PACS2: variants seen among roughly 807,000 people sequenced by gnomAD.
PACS2 encodes the protein phosphofurin acidic cluster sorting protein 2.
In PACS2, 36 loss-of-function variants were observed where a neutral mutation model predicts 113.0. The observed-to-expected ratio is 0.32, with a 90% confidence interval of 0.24 to 0.42. PACS2 has a LOEUF of 0.42. Ranked by LOEUF, PACS2 falls within the 10% of genes least tolerant of loss-of-function variation. The pLI is 1.00. For synonymous variants in PACS2, 589 were observed against 536.1 expected, an observed-to-expected ratio of 1.10 and a Z score of -1.36; for missense variants, 1,015 against 1,239.5, an observed-to-expected ratio of 0.82 and a Z score of 2.72.
intron 8 of PACS2, among the ~76,000 whole-genome samples, chr14:105,375,900 A>G (rs966763236): frequency 2.0e-5 from 3 of 152,234 alleles, no homozygotes; most frequent in Admixed American, 6.5e-5. Flanking sequence ...TCAGTGGCGC[A>G]CTGCAGAACC....
Position 105,329,874 on chromosome 14 carries a change from TGTG to T in PACS2, c.119+14844_119+14846del, listed in dbSNP as rs2059239893. On this transcript the variant is annotated intron_variant, in intron 1 of 24. Coordinates refer to ENST00000447393, the MANE Select transcript of PACS2 (RefSeq NM_001100913.3). This position sits in a 1 kb window ranked among gnomAD's most constrained non-coding sequence, Gnocchi z 6.4. Reference sequence around the variant, plus strand: ...TCCAGGCCTGGAACTCGAGCTGTGGTGTGGTGGTGCCAGCCCAGGAGCCAAGCA... The same window carrying T: ...TCCAGGCCTGGAACTCGAGCTGTGGTGTGGTGCCAGCCCAGGAGCCAAGCA... Among the ~76,000 whole-genome samples, 1 of 151,904 alleles carries T rather than the reference TGTG, an allele frequency of 6.6e-6. No individual in the cohort carries two copies. The highest frequency in any genetic ancestry group is 1.5e-5 in the Non-Finnish European group (1 of 67,914).
At position 105,397,115 on chromosome 14, in the gene PACS2, G is replaced by A. The variant is rs1274332866; in HGVS notation, c.*2443G>A. 6.6e-6 allele frequency: 1 copy of A among 152,276 alleles called. No individual in the cohort carries two copies. Among genetic ancestry groups the A allele is most frequent in the Non-Finnish European group, 1.5e-5 (1 of 68,090 alleles). The allele number at this position is 152,276 out of a possible 1,614,324, so 9.4% of individuals were successfully genotyped here. A position where few individuals can be genotyped will look rare whatever the true frequency, so the allele number is the denominator to read the frequency against. On this transcript the variant is annotated 3_prime_UTR_variant, in exon 25 of 25. Coordinates refer to ENST00000447393, the MANE Select transcript of PACS2 (RefSeq NM_001100913.3). ...GGGCTGTGGGTCTGCCCTGCACCCA[G>A]GAGCCCCACGGTCCATCCCCCACAC... is the stretch of plus-strand genomic sequence containing the variant.
upstream of PACS2, among the ~76,000 whole-genome samples, chr14:105,310,702 G>A (rs1426810532): frequency 6.6e-6 from 1 of 151,962 alleles, no homozygotes; most frequent in African/African-American, 2.4e-5. Context: ...TCCAGCCAGC[G>A]GCAGCTCACC....
At position 105,356,300 on chromosome 14, in the gene PACS2, C is replaced by T. The variant is rs1420499869; in HGVS notation, c.423+1123C>T. 6.6e-6 allele frequency among the ~76,000 whole-genome samples: 1 copy of T among 152,232 alleles called. No individual in the cohort carries two copies. The highest frequency in any genetic ancestry group is 6.5e-5 in the Admixed American group (1 of 15,286). On this transcript the variant is annotated intron_variant, in intron 4 of 24. Coordinates refer to ENST00000447393, the MANE Select transcript of PACS2 (RefSeq NM_001100913.3). The surrounding 1 kb of genome is among the most constrained non-coding windows in gnomAD (Gnocchi z 4.0). ...CTGGGCTCAGCCCTCCCTGCTACCC[C>T]AGGAGATGGGAGCGTGGAGGGTACA...
intron 2 of PACS2, among the ~76,000 whole-genome samples, chr14:105,349,854 G>A (rs1471704406): frequency 1.4e-5 from 2 of 144,122 alleles, no homozygotes; most frequent in African/African-American, 5.9e-5. Flanking sequence ...GCTAATGCAG[G>A]ACCCGGAGAA....
intron 7 of PACS2, among the ~76,000 whole-genome samples, chr14:105,369,094 G>A (rs1555408705): frequency 1.3e-5 from 2 of 152,250 alleles, no homozygotes; most frequent in Non-Finnish European, 2.9e-5. Context: ...AGGTGGGCGG[G>A]GAGCTCTGTG....
intron 9 of PACS2, among the ~76,000 whole-genome samples, chr14:105,377,272 C>T (rs1555410706): frequency 6.6e-6 from 1 of 152,118 alleles, no homozygotes; most frequent in African/African-American, 2.4e-5. Flanking sequence ...TGCAGGGGAC[C>T]TCCGTTCACT....
rs587637799 is a variant in PACS2 at position 105,354,596 on chromosome 14, G to T, written c.298-456G>T. ...CTGGACAGGGAGCCTGTGGTGAGAC[G>T]TGCAGGCGAGTTGGGTGAACAGGGG... On this transcript the variant is annotated intron_variant, in intron 3 of 24. Transcript: ENST00000447393. This position sits in a 1 kb window ranked among gnomAD's most constrained non-coding sequence, Gnocchi z 4.2. Among the ~76,000 whole-genome samples the T allele has an allele frequency of 6.6e-6, 1 of 152,344 alleles. No homozygotes were observed. Among genetic ancestry groups the T allele is most frequent in the African/African-American group, 2.4e-5 (1 of 41,584 alleles).
At chr14:105,389,654 A>G (rs2081290059) in intron 19 of PACS2, 1 of 422,510 alleles carries the variant, frequency 2.4e-6, no homozygotes, top group East Asian at 4.1e-5. Context: ...TGGCAGAGTG[A>G]ATCCCTCCGT....
rs2058545659 is a variant in PACS2 at position 105,315,379 on chromosome 14, C to G, written c.119+342C>G. On this transcript the variant is annotated intron_variant, in intron 1 of 24. Coordinates refer to ENST00000447393, the MANE Select transcript of PACS2 (RefSeq NM_001100913.3). The surrounding 1 kb of genome is among the most constrained non-coding windows in gnomAD (Gnocchi z 4.4). The stretch of plus-strand genomic sequence containing the variant: ...CTCAATGCGGTGCCGGCCGGGGTGA[C>G]GAGGGTGCTTCCTCTCTCGGGTACC... The G allele has an allele frequency of 6.6e-6, 1 of 152,372 alleles. No homozygotes were observed. The highest frequency in any genetic ancestry group is 2.1e-4 in the South Asian group (1 of 4,834). The allele number at this position is 152,372 out of a possible 1,614,324, so 9.4% of individuals were successfully genotyped here. A position where few individuals can be genotyped will look rare whatever the true frequency, so the allele number is the denominator to read the frequency against.
intron 1 of PACS2, among the ~76,000 whole-genome samples, chr14:105,322,821 C>T (rs1260884591): frequency 6.6e-6 from 1 of 152,228 alleles, no homozygotes; most frequent in African/African-American, 2.4e-5. Context: ...GAATCATTTT[C>T]CTTCTTCTGT....
At chr14:105,367,469 C>A in intron 5 of PACS2, 94 bp downstream of exon 5, 2 of 1,301,076 alleles carry the variant, frequency 1.5e-6, no homozygotes, top group Non-Finnish European at 1.1e-6. Context: ...TCCAGCCTGG[C>A]TTAAGGAGTT....
chr14:105,314,663 G>T (rs1211721910), upstream of PACS2: 1 of 143,850 alleles, frequency 7.0e-6, no homozygotes, highest in Admixed American at 6.9e-5. Flanking sequence ...CGCCGGCGCG[G>T]GTCGGAGGGC....
intron 20 of PACS2, chr14:105,390,596 G>A (rs587607179): frequency 7.2e-5 from 12 of 167,832 alleles, no homozygotes; most frequent in South Asian, 6.1e-4. Flanking sequence ...CCCAGGCAGC[G>A]GAAGGGTCTC....
chr14:105,382,146 G>A, intron 13 of PACS2, 88 bp downstream of exon 13: 4 of 1,370,430 alleles, frequency 2.9e-6, no homozygotes, highest in African/African-American at 1.4e-5. Flanking sequence ...AGAAGCACAG[G>A]GGGCCAAGGG....
rs1028899617 is a variant in PACS2, at chr14:105,366,185, T to G, written c.424-1028T>G. The stretch of plus-strand genomic sequence containing the variant: ...GCCAACATGGTGAAACTGTTTCTAC[T>G]AAAAATACAAAACTTAGCTGGGCGT... On this transcript the variant is annotated intron_variant, in intron 4 of 24. Coordinates refer to ENST00000447393, the MANE Select transcript of PACS2 (RefSeq NM_001100913.3). The surrounding 1 kb of genome is among the most constrained non-coding windows in gnomAD (Gnocchi z 4.3). Among the ~76,000 whole-genome samples, 1 of 151,862 alleles carries G rather than the reference T, an allele frequency of 6.6e-6. No individual in the cohort carries two copies. Among genetic ancestry groups the G allele is most frequent in the Non-Finnish European group, 1.5e-5 (1 of 67,982 alleles).
chr14:105,349,556 C>A (rs1270163489), intron 2 of PACS2, among the ~76,000 whole-genome samples: 2 of 152,266 alleles, frequency 1.3e-5, no homozygotes, highest in Non-Finnish European at 2.9e-5. Context: ...AGCACCTGAG[C>A]CTCGGCCAGT....
At chr14:105,391,801 A>G (rs1595189276) in intron 22 of PACS2, 35 bp downstream of exon 22, 1 of 1,546,038 alleles carries the variant, frequency 6.5e-7, no homozygotes, top group Non-Finnish European at 8.7e-7. Context: ...CGTTTCACTT[A>G]CCCGCCCCAC....
In PACS2 at chr14:105,330,725, A is replaced by G. The variant is rs139945332; in HGVS notation, c.119+15688A>G. ...TCCTGTCTTTTCTCAGGCAATCGCC[A>G]TGGTACCCAGGGCTGGCCTTGTTTC... On this transcript the variant is annotated intron_variant, in intron 1 of 24. Coordinates refer to ENST00000447393, the MANE Select transcript of PACS2 (RefSeq NM_001100913.3). The surrounding 1 kb of genome is among the most constrained non-coding windows in gnomAD (Gnocchi z 6.9). Among the ~76,000 whole-genome samples, 326 of 152,342 alleles carry G rather than the reference A, an allele frequency of 2.1e-3. No individual in the cohort carries two copies. The highest frequency in any genetic ancestry group is 3.1e-3 in the South Asian group (15 of 4,830).
Sources: gnomAD v4.1 joint callset for allele counts (sites outside exome capture counted in the v4.1 genomes callset) on GRCh38, gnomAD v4.1.1 for gene constraint, Gnocchi (gnomAD v3.1) non-coding constraint, MANE v1.5 for transcripts, NCBI Gene and HGNC (gene_info 2026-07-23, HGNC 2026-07-21) for gene names.